RBM22: variants seen among roughly 807,000 people sequenced by gnomAD.
RBM22 encodes RNA binding motif protein 22.
Under a neutral mutation model 50.1 loss-of-function variants are expected in RBM22, and 1 was observed. The observed-to-expected ratio is 0.02, with a 90% CI of 0.01 to 0.09. RBM22 has a LOEUF of 0.09. Ranked by LOEUF, RBM22 falls within the 10% of genes least tolerant of loss-of-function variation. The probability of loss-of-function intolerance (pLI) is 1.00; values close to 1 mark genes in which losing one functional copy is unlikely to be tolerated. For missense variants in RBM22, 264 were observed against 529.3 expected, an observed-to-expected ratio of 0.50 and a Z score of 4.92; for synonymous variants, 152 against 179.0, an observed-to-expected ratio of 0.85 and a Z score of 1.20.
At position 150,701,059 on chromosome 5, in the gene RBM22, G is replaced by A. The variant is rs1242542171; in HGVS notation, c.-74C>T. 6 of 1,597,942 alleles carry A rather than the reference G, an allele frequency of 3.8e-6. No homozygotes were observed. Among genetic ancestry groups the A allele is most frequent in the East Asian group, 2.2e-5 (1 of 44,762 alleles). ...CCGCCACAATCCCGTCAAGCCCCGA[G>A]GCTAGCGCCGCGCCGGTCGGCGTCT... On this transcript the variant is annotated 5_prime_UTR_variant, in exon 1 of 11. Transcript: ENST00000199814.
intron 10 of RBM22, among the ~76,000 whole-genome samples, 154 bp from the exon 11 acceptor site, chr5:150,692,035 T>A (rs145197009): frequency 6.6e-6 from 1 of 152,218 alleles, no homozygotes; most frequent in Non-Finnish European, 1.5e-5. Context: ...CTTCCACTTG[T>A]TATTTCCTTG....
rs377222999 is a variant in RBM22 at position 150,693,037 on chromosome 5, G to A, written c.1001-11C>T. ...GAGGAGGAGGAAGAGCTGGAGGAGA[G>A]AAAATAGTCAACACATAGAGGGGAG... On this transcript the variant is annotated splice_polypyrimidine_tract_variant and intron_variant, in intron 9 of 10. Transcript: ENST00000199814. 48 of 1,601,340 alleles carry A rather than the reference G, an allele frequency of 3.0e-5. No individual in the cohort carries two copies. In the African/African-American group the frequency reaches 5.4e-4, roughly 18 times the overall value.
At position 150,691,498 on chromosome 5, in the gene RBM22, A is replaced by C; in HGVS notation, c.*253T>G. ...TCATCTGCGTGTCCCCCACACGGGT[A>C]AGGGGAACAGGCGTTCGGTTTTATT... is the stretch of plus-strand genomic sequence containing the variant. On this transcript the variant is annotated 3_prime_UTR_variant, in exon 11 of 11. Coordinates refer to ENST00000199814, the MANE Select transcript of RBM22 (RefSeq NM_018047.3). 6.7e-6 allele frequency: 2 copies of C among 296,746 alleles called. No homozygotes were observed. Among genetic ancestry groups the C allele is most frequent in the Admixed American group, 5.1e-5 (1 of 19,424 alleles). The allele number at this position is 296,746 out of a possible 1,614,324, so 18.4% of individuals were successfully genotyped here.
At chr5:150,695,751 G>A (rs1452642999) in intron 6 of RBM22, 45 bp from the exon 7 acceptor site, 3 of 1,476,868 alleles carry the variant, frequency 2.0e-6, no homozygotes, top group Non-Finnish European at 1.9e-6. Flanking sequence ...AAACGAAGGT[G>A]AAAAAATGAT....
rs759680731 is a variant in RBM22 at position 150,691,917 on chromosome 5, A to G, written c.1133-36T>C. ...GAGAGAACAAATGTGTTAGGCTGGT[A>G]GTTTCCTTGATAACCTTTCAAACCT... On this transcript the variant is annotated intron_variant, in intron 10 of 10. Transcript: ENST00000199814. 5 of 1,476,602 alleles carry G rather than the reference A, an allele frequency of 3.4e-6. No individual in the cohort carries two copies. In the East Asian group the frequency reaches 7.5e-5, roughly 22 times the overall value. The allele number at this position is 1,476,602 out of a possible 1,614,324, so 91.5% of individuals were successfully genotyped here. A position where few individuals can be genotyped will look rare whatever the true frequency, so the allele number is the denominator to read the frequency against.
At position 150,693,046 on chromosome 5, in the gene RBM22, C is replaced by T; in HGVS notation, c.1001-20G>A. ...GAAGAGCTGGAGGAGAGAAAATAGT[C>T]AACACATAGAGGGGAGAACAATTGT... is the stretch of plus-strand genomic sequence containing the variant. On this transcript the variant is annotated intron_variant, in intron 9 of 10. Transcript: ENST00000199814. 6.3e-7 allele frequency: 1 copy of T among 1,597,404 alleles called. No homozygotes were observed. The highest frequency in any genetic ancestry group is 8.5e-7 in the Non-Finnish European group (1 of 1,172,806).
At chr5:150,697,138 T>C (rs1159489238) in intron 4 of RBM22, among the ~76,000 whole-genome samples, 2 of 152,188 alleles carry the variant, frequency 1.3e-5, no homozygotes, top group South Asian at 2.1e-4. Context: ...AAAAATCTTT[T>C]AGGCTGGGTG....
intron 1 of RBM22, 85 bp downstream of exon 1, chr5:150,700,847 G>A (rs1053127539): frequency 2.5e-6 from 4 of 1,612,674 alleles, no homozygotes; most frequent in Non-Finnish European, 2.5e-6. Context: ...TATTCCTTCG[G>A]CCGCGCCGCA....
rs538020180 is a variant in RBM22 at position 150,700,299 on chromosome 5, T to C, written c.108+145A>G. On this transcript the variant is annotated intron_variant, in intron 2 of 10. Transcript: ENST00000199814. The stretch of plus-strand genomic sequence containing the variant: ...TACCGGATTCGTAAGAGAATACACA[T>C]GACAGTTCTTTGCAAGTCGTCCAGC... 1.6e-5 allele frequency: 12 copies of C among 735,412 alleles called. No individual in the cohort carries two copies. The South Asian group carries it at 1.9e-4, about 12-fold the overall frequency. 45.6% of individuals were successfully genotyped at this position (735,412 alleles called of 1,614,324 possible). A position where few individuals can be genotyped will look rare whatever the true frequency, so the allele number is the denominator to read the frequency against.
chr5:150,700,839 T>C, intron 1 of RBM22, 93 bp downstream of exon 1: 6 of 1,611,720 alleles, frequency 3.7e-6, no homozygotes, highest in Non-Finnish European at 5.1e-6. Flanking sequence ...CTCCCCGGTA[T>C]TCCTTCGGCC....
intron 2 of RBM22, among the ~76,000 whole-genome samples, chr5:150,700,211 A>T (rs1031784968): frequency 6.6e-6 from 1 of 152,172 alleles, no homozygotes; most frequent in Admixed American, 6.5e-5. Flanking sequence ...CAACAGACCT[A>T]TTTCCTAGGT....
intron 2 of RBM22, among the ~76,000 whole-genome samples, chr5:150,700,199 G>A (rs977031202): frequency 2.0e-5 from 3 of 152,088 alleles, no homozygotes; most frequent in African/African-American, 7.2e-5. Context: ...TCACCTTCTG[G>A]TCAACAGACC....
At chr5:150,697,747 G>C in intron 4 of RBM22, 1 of 341,486 alleles carries the variant, frequency 2.9e-6, no homozygotes, top group Non-Finnish European at 5.6e-6. Context: ...TCCTTTAATA[G>C]TAAAAACTCT....
chr5:150,697,948 A>C (rs1759298429), intron 4 of RBM22, among the ~76,000 whole-genome samples: 1 of 152,074 alleles, frequency 6.6e-6, no homozygotes, highest in African/African-American at 2.4e-5. Flanking sequence ...TGAGGCCAGA[A>C]GCTCAAAACC....
At position 150,694,279 on chromosome 5, in the gene RBM22, T is replaced by TA. The variant is rs528996272; in HGVS notation, c.747-40dup. Reference sequence around the variant, plus strand: ...GGCAGAGAAAAATGAAAGTGGGAGTTAAAAAAGATGTACCCAGGAGACTGA... The same window carrying TA: ...GGCAGAGAAAAATGAAAGTGGGAGTTAAAAAAAGATGTACCCAGGAGACTGA... On this transcript the variant is annotated intron_variant, in intron 7 of 10. Transcript: ENST00000199814. The TA allele has an allele frequency of 1.0e-4, 165 of 1,595,488 alleles. No individual in the cohort carries two copies. In the African/African-American group the frequency reaches 1.9e-3, roughly 19 times the overall value.
chr5:150,693,071 T>A, intron 9 of RBM22, 45 bp from the exon 10 acceptor site: 1 of 1,574,364 alleles, frequency 6.4e-7, no homozygotes, highest in South Asian at 1.2e-5. Context: ...AGAACAATTG[T>A]GCAACGCTGT....
chr5:150,695,407 A>T, intron 7 of RBM22, 99 bp downstream of exon 7: 1 of 1,070,942 alleles, frequency 9.3e-7, no homozygotes, highest in Non-Finnish European at 1.4e-6. Flanking sequence ...CTACAGAAAA[A>T]TGTATTTTGT....
intron 9 of RBM22, 91 bp from the exon 10 acceptor site, chr5:150,693,117 GAGAGT>G: frequency 6.5e-7 from 1 of 1,547,942 alleles, no homozygotes; most frequent in Non-Finnish European, 8.8e-7. Flanking sequence ...GTCCTACTGG[GAGAGT>G]AGAGCGGCAA....
chr5:150,698,495 A>T lies in RBM22; in HGVS notation c.271+4T>A. 6.2e-7 allele frequency: 1 copy of T among 1,613,924 alleles called. No homozygotes were observed. The highest frequency in any genetic ancestry group is 8.5e-7 in the Non-Finnish European group (1 of 1,179,890). On this transcript the variant is annotated splice_donor_region_variant and intron_variant, in intron 4 of 10. Transcript: ENST00000199814. ...TTCAGATTTATTGGACAGGTCAAAC[A>T]TACCATACTCTAGGTCTAAGAGGCA...
Sources: gnomAD v4.1 joint callset for allele counts (sites outside exome capture counted in the v4.1 genomes callset) on GRCh38, gnomAD v4.1.1 for gene constraint, MANE v1.5 for transcripts, NCBI Gene and HGNC (gene_info 2026-07-23, HGNC 2026-07-21) for gene names.